Variants in SOX6 observed in about 807,000 individuals in gnomAD.
SOX6 encodes SRY-box transcription factor 6, also known as transcription factor SOX-6.
A neutral mutation model predicts 97.8 loss-of-function variants in SOX6; 11 were observed. The observed-to-expected ratio is 0.11, with a 90% CI of 0.07 to 0.19. The LOEUF (loss-of-function observed/expected upper bound fraction) is 0.19. Ranked by LOEUF, SOX6 falls within the 10% of genes least tolerant of loss-of-function variation. The pLI, the probability that SOX6 is intolerant of heterozygous loss-of-function variation, is 1.00. For synonymous variants in SOX6, 360 were observed against 371.4 expected (o/e 0.97, Z 0.35); for missense variants, 810 against 1,039.5 (o/e 0.78, Z 3.04).
chr11:16,512,568 CT>C (rs35598799), intron 4 of SOX6, among the ~76,000 whole-genome samples: 27,965 of 152,086 alleles, frequency 0.18, 2,615 homozygotes, highest in African/African-American at 0.23. Context: ...GTGCTTTTGG[CT>C]TCAATATATC....
intron 3 of SOX6, among the ~76,000 whole-genome samples, chr11:16,290,734 G>A (rs1854887485): frequency 6.6e-6 from 1 of 152,072 alleles, no homozygotes; most frequent in South Asian, 2.1e-4. Context: ...AGGCACTGCT[G>A]CACAATACAA....
intron 4 of SOX6, among the ~76,000 whole-genome samples, chr11:16,215,824 C>A (rs922627019): frequency 1.3e-5 from 2 of 152,132 alleles, no homozygotes; most frequent in Non-Finnish European, 2.9e-5. Context: ...ATATGACATT[C>A]TCATATAGAG....
chr11:16,198,025 CTGTTGTTGTTGTTGT>C (rs66685848), intron 4 of SOX6, among the ~76,000 whole-genome samples: 3,604 of 149,994 alleles, frequency 0.024, 149 homozygotes, highest in African/African-American at 0.083. Context: ...TCAAGATTTC[CTGTTGTTGTTGTTGT>C]TGTTGTTGTT....
In SOX6 at chr11:16,655,678, G is replaced by A. The variant is rs553357451; in HGVS notation, n.430-43418C>T. On this transcript the variant is annotated intron_variant and non_coding_transcript_variant, in intron 3 of 5. Coordinates refer to the SOX6 transcript ENST00000524520. ...TCTTCATTCTCTTGTTCTGAAACTC[G>A]TACTAGAAATATGTTAGCATTGCTG... is the stretch of plus-strand genomic sequence containing the variant. Among the ~76,000 whole-genome samples, 8 of 152,100 alleles carry A rather than the reference G, an allele frequency of 5.3e-5. No individual in the cohort carries two copies. The South Asian group carries it at 6.2e-4, about 12-fold the overall frequency.
At chr11:16,094,198 C>G (rs1180344479) in intron 9 of SOX6, among the ~76,000 whole-genome samples, 1 of 151,684 alleles carries the variant, frequency 6.6e-6, no homozygotes, top group African/African-American at 2.4e-5. Context: ...GCTTCTAGAT[C>G]AGCATCACTA....
chr11:16,488,828 C>T (rs1170160304), intron 4 of SOX6, among the ~76,000 whole-genome samples: 1 of 152,112 alleles, frequency 6.6e-6, no homozygotes, highest in African/African-American at 2.4e-5. Flanking sequence ...AAAGTCCAGA[C>T]AAGATCTGGC....
At chr11:16,662,419 T>C (rs1847772773) in intron 3 of SOX6, among the ~76,000 whole-genome samples, 1 of 152,208 alleles carries the variant, frequency 6.6e-6, no homozygotes, top group South Asian at 2.1e-4. Context: ...TTTCCTCTGG[T>C]TTCTTTCAAA....
intron 4 of SOX6, among the ~76,000 whole-genome samples, chr11:16,524,196 T>C (rs1415745680): frequency 2.6e-5 from 4 of 152,060 alleles, no homozygotes; most frequent in Non-Finnish European, 5.9e-5. Context: ...TTTAGACCAA[T>C]ATCCTTGATG....
At chr11:16,194,529 T>C (rs1851720431) in intron 4 of SOX6, among the ~76,000 whole-genome samples, 1 of 152,122 alleles carries the variant, frequency 6.6e-6, no homozygotes, top group African/African-American at 2.4e-5. Flanking sequence ...GTTACTGTTG[T>C]TGTTGTTTTC....
chr11:16,697,356 A>G (rs948205536), intron 3 of SOX6, among the ~76,000 whole-genome samples: 1 of 152,304 alleles, frequency 6.6e-6, no homozygotes, highest in African/African-American at 2.4e-5. Flanking sequence ...TTATTGGGCC[A>G]GGTGCGGTGG....
rs749167637 is a variant in SOX6, at chr11:15,972,768, G to A, written c.*41C>T. The A allele has an allele frequency of 3.1e-6, 5 of 1,607,186 alleles. No individual in the cohort carries two copies. The highest frequency in any genetic ancestry group is 4.5e-5 in the East Asian group (2 of 44,830). ...TAATAACTCTTTGTTGGGGAGGGGGGTGAAATGTCAGAGTACTTTAATTCA... is the reference window on the plus strand; with the variant it reads ...TAATAACTCTTTGTTGGGGAGGGGGATGAAATGTCAGAGTACTTTAATTCA... On this transcript the variant is annotated 3_prime_UTR_variant, in exon 16 of 16. Transcript: ENST00000683767.
intron 2 of SOX6, among the ~76,000 whole-genome samples, chr11:16,328,925 C>T (rs927292663): frequency 7.2e-5 from 11 of 152,132 alleles, no homozygotes; most frequent in African/African-American, 2.2e-4. Context: ...AATTAAAATG[C>T]TATATTTGGT....
At chr11:16,496,944 C>A (rs973116735) in intron 4 of SOX6, among the ~76,000 whole-genome samples, 5 of 152,156 alleles carry the variant, frequency 3.3e-5, no homozygotes, top group African/African-American at 1.2e-4. Context: ...CTTAAATGTC[C>A]CTGTCTGACA....
At chr11:16,428,934 G>A (rs1285348402) in intron 1 of SOX6, among the ~76,000 whole-genome samples, 1 of 152,080 alleles carries the variant, frequency 6.6e-6, no homozygotes. Flanking sequence ...CCATTTTCAC[G>A]ATATTAATTC....
intron 1 of SOX6, among the ~76,000 whole-genome samples, chr11:16,447,443 T>TTCTCTC (rs142888152): frequency 8.7e-5 from 13 of 150,116 alleles, no homozygotes; most frequent in Admixed American, 4.0e-4. Flanking sequence ...CTCCTTCGAT[T>TTCTCTC]TCTCTCTCTC....
At chr11:16,712,468 T>G (rs1192282240) in intron 3 of SOX6, among the ~76,000 whole-genome samples, 1 of 152,200 alleles carries the variant, frequency 6.6e-6, no homozygotes, top group African/African-American at 2.4e-5. Context: ...GGTATCACAT[T>G]GTGGTTTTGA....
chr11:16,340,971 G>A, intron 2 of SOX6, 41 bp downstream of exon 2: 4 of 1,612,040 alleles, frequency 2.5e-6, no homozygotes, highest in Non-Finnish European at 3.4e-6. Context: ...GACATTCTAA[G>A]GAATGCATTT....
At chr11:16,100,434 C>A (rs1420748166) in intron 7 of SOX6, among the ~76,000 whole-genome samples, 1 of 151,692 alleles carries the variant, frequency 6.6e-6, no homozygotes, top group Non-Finnish European at 1.5e-5. Flanking sequence ...CAGCTTTCTA[C>A]ATATTTCAAC....
chr11:16,135,747 G>C (rs555577221), intron 6 of SOX6, among the ~76,000 whole-genome samples: 1 of 152,298 alleles, frequency 6.6e-6, no homozygotes, highest in Admixed American at 6.5e-5. Context: ...AACCACACAA[G>C]GTTTAGAATA....
Sources: gnomAD v4.1 joint callset for allele counts (sites outside exome capture counted in the v4.1 genomes callset) on GRCh38, gnomAD v4.1.1 for gene constraint, MANE v1.5 for transcripts, NCBI Gene and HGNC (gene_info 2026-07-23, HGNC 2026-07-21) for gene names.